The following CDC42 variants were observed in gnomAD, a reference collection of about 807,000 sequenced individuals.
CDC42 encodes cell division control protein 42 homolog.
CDC42 carries 1 observed loss-of-function variant against 20.8 expected under a neutral mutation model. The observed-to-expected ratio is 0.05, with a 90% CI of 0.02 to 0.23. CDC42 has a LOEUF of 0.23. CDC42 is among the 10% of genes least tolerant of loss of function. The pLI is 1.00. For missense variants in CDC42, 49 were observed against 227.9 expected (o/e 0.21, Z 5.05); for synonymous variants, 72 against 84.8 (o/e 0.85, Z 0.83).
chr1:22,055,496 T>G (rs1028687800), intron 1 of CDC42, among the ~76,000 whole-genome samples: 2 of 151,408 alleles, frequency 1.3e-5, no homozygotes, highest in African/African-American at 4.8e-5. Flanking sequence ...GGTGATTTTT[T>G]TTTTTTTTTT....
rs373016657 is a variant in CDC42 at position 22,085,244 on chromosome 1, A to AAAAAAAAAAAAAG, written c.179-1191_179-1190insAAAAAAAAGAAAA. 2.2e-5 allele frequency among the ~76,000 whole-genome samples: 3 copies of AAAAAAAAAAAAAG among 135,956 alleles called. 1 individual carries two copies. The highest frequency in any genetic ancestry group is 3.1e-5 in the Non-Finnish European group (2 of 64,146). The allele number at this position is 135,956 out of a possible 152,430, so 89.2% of individuals were successfully genotyped here. On this transcript the variant is annotated intron_variant, in intron 3 of 5. Coordinates refer to ENST00000656825, the MANE Select transcript of CDC42 (RefSeq NM_001791.4). The stretch of plus-strand genomic sequence containing the variant: ...GAGACTCTGTCTAAAAAAAAAAAAA[A>AAAAAAAAAAAAAG]AAAAGAAAAATCATTTGCCCACATA...
Position 22,096,351 on chromosome 1 carries a change from A to G in CDC42, c.*4834A>G, listed in dbSNP as rs370665380. On this transcript the variant is annotated 3_prime_UTR_variant, in exon 6 of 6. Coordinates refer to ENST00000656825, the MANE Select transcript of CDC42 (RefSeq NM_001791.4). The stretch of plus-strand genomic sequence containing the variant: ...TGAGGATATACAGAGAGTAAAATAG[A>G]TGTCTCCTGACTTCTACTTGGAATT... Among the ~76,000 whole-genome samples, 7 of 152,258 alleles carry G rather than the reference A, an allele frequency of 4.6e-5. 1 individual carries two copies. The South Asian group carries it at 1.4e-3, about 32-fold the overall frequency.
At chr1:22,090,818 A>G in intron 5 of CDC42, 1 of 985,046 alleles carries the variant, frequency 1.0e-6, no homozygotes, top group Non-Finnish European at 1.2e-6. Context: ...TGCCTGATGA[A>G]GCTTTATTCC....
chr1:22,071,001 A>G (rs1390905800), intron 1 of CDC42, among the ~76,000 whole-genome samples: 1 of 145,392 alleles, frequency 6.9e-6, no homozygotes, highest in East Asian at 2.0e-4. Flanking sequence ...TTCAAGTGCT[A>G]TTTCTTTACG....
chr1:22,082,874 A>ATT (rs1465794787), intron 3 of CDC42, among the ~76,000 whole-genome samples: 1 of 57,870 alleles, frequency 1.7e-5, no homozygotes, highest in African/African-American at 7.7e-5. Context: ...GCACAGAGAA[A>ATT]ATTTTTATTT....
chr1:22,054,201 A>AT (rs917630520), intron 1 of CDC42, among the ~76,000 whole-genome samples: 6 of 151,710 alleles, frequency 4.0e-5, no homozygotes, highest in South Asian at 2.1e-4. Flanking sequence ...CACAATTTTT[A>AT]TTTTTTTTGA....
chr1:22,093,328 G>C lies in CDC42; in HGVS notation c.*1811G>C, dbSNP rs1056488775. Among the ~76,000 whole-genome samples, 2 of 152,140 alleles carry C rather than the reference G, an allele frequency of 1.3e-5. No homozygotes were observed. The highest frequency in any genetic ancestry group is 4.8e-5 in the African/African-American group (2 of 41,426). On this transcript the variant is annotated 3_prime_UTR_variant, in exon 6 of 6. Coordinates refer to ENST00000656825, the MANE Select transcript of CDC42 (RefSeq NM_001791.4). ...TGGTTCTCCAACTGGAGTGCAGCTTGAACAATGTGATTTTTAAGTTTTCCA... is the reference window on the plus strand; with the variant it reads ...TGGTTCTCCAACTGGAGTGCAGCTTCAACAATGTGATTTTTAAGTTTTCCA...
At chr1:22,089,994 C>G in intron 5 of CDC42, 1 of 1,614,052 alleles carries the variant, frequency 6.2e-7, no homozygotes, top group Non-Finnish European at 8.5e-7. Flanking sequence ...CCTCGAGCCT[C>G]CGGAAACTCA....
chr1:22,073,531 T>A lies in CDC42; in HGVS notation c.-50-4898T>A, dbSNP rs552309309. On this transcript the variant is annotated intron_variant, in intron 1 of 5. Coordinates refer to ENST00000656825, the MANE Select transcript of CDC42 (RefSeq NM_001791.4). ...TCCAGCCTGGGTGACAGAGCAAAACTCTGTCTCAAAAAAAAAAAAAGAAAA... is the reference window on the plus strand; with the variant it reads ...TCCAGCCTGGGTGACAGAGCAAAACACTGTCTCAAAAAAAAAAAAAGAAAA... Among the ~76,000 whole-genome samples the A allele has an allele frequency of 2.0e-5, 3 of 148,124 alleles. No homozygotes were observed. The South Asian group carries it at 6.4e-4, about 32-fold the overall frequency.
chr1:22,065,227 G>A (rs1173952047), intron 1 of CDC42, among the ~76,000 whole-genome samples: 1 of 152,152 alleles, frequency 6.6e-6, no homozygotes, highest in Non-Finnish European at 1.5e-5. Flanking sequence ...TCTTCCTTGG[G>A]CATGTTAGAG....
rs1645770449 is a variant in CDC42 at position 22,098,350 on chromosome 1, A to T, written c.*6833A>T. ...TTAGATGGGAAGGCTGAAAAAAAAA[A>T]TACTCCTGAGATTCTGAATCTGTAA... On this transcript the variant is annotated 3_prime_UTR_variant, in exon 6 of 6. Transcript: ENST00000656825. Among the ~76,000 whole-genome samples the T allele has an allele frequency of 6.6e-6, 1 of 151,288 alleles. No individual in the cohort carries two copies.
At chr1:22,084,136 G>C (rs527830595) in intron 3 of CDC42, among the ~76,000 whole-genome samples, 2 of 152,172 alleles carry the variant, frequency 1.3e-5, no homozygotes, top group South Asian at 4.2e-4. Flanking sequence ...TATCAACATG[G>C]GTATACAGAT....
chr1:22,077,077 G>A (rs1645560380), intron 1 of CDC42, among the ~76,000 whole-genome samples: 1 of 152,110 alleles, frequency 6.6e-6, no homozygotes, highest in African/African-American at 2.4e-5. Flanking sequence ...GATTGCTTGA[G>A]TCTGGGAGGT....
rs112560241 is a variant in CDC42, at chr1:22,095,632, T to A, written c.*4115T>A. Among the ~76,000 whole-genome samples the A allele has an allele frequency of 4.5e-4, 69 of 152,182 alleles. No individual in the cohort carries two copies. Among genetic ancestry groups the A allele is most frequent in the Non-Finnish European group, 9.0e-4 (61 of 68,032 alleles). On this transcript the variant is annotated 3_prime_UTR_variant, in exon 6 of 6. Transcript: ENST00000656825. ...CAAAGTGCCTCCACCTTAAAAAAAA[T>A]TCCTTATTTTATTCACTTGCCAGAA... is the stretch of plus-strand genomic sequence containing the variant.
intron 1 of CDC42, among the ~76,000 whole-genome samples, chr1:22,054,193 C>A (rs192601803): frequency 6.6e-6 from 1 of 152,158 alleles, no homozygotes; most frequent in East Asian, 1.9e-4. Context: ...TTTGAGATCA[C>A]AATTTTTATT....
At chr1:22,070,790 A>G (rs971735856) in intron 1 of CDC42, among the ~76,000 whole-genome samples, 3 of 150,882 alleles carry the variant, frequency 2.0e-5, no homozygotes, top group Non-Finnish European at 4.4e-5. Context: ...AAAAGTTGTA[A>G]GTTGCTAGCC....
rs1340777962 is a variant in CDC42, at chr1:22,095,438, G to T, written c.*3921G>T. On this transcript the variant is annotated 3_prime_UTR_variant, in exon 6 of 6. Coordinates refer to ENST00000656825, the MANE Select transcript of CDC42 (RefSeq NM_001791.4). ...GCATGTGCCACCATGCCTGGCTAAT[G>T]TTTTGTATTTTTAGTAGAGATAGGG... is the stretch of plus-strand genomic sequence containing the variant. Among the ~76,000 whole-genome samples the T allele has an allele frequency of 2.6e-5, 4 of 151,894 alleles. No homozygotes were observed. Among genetic ancestry groups the T allele is most frequent in the Admixed American group, 2.6e-4 (4 of 15,246 alleles).
chr1:22,057,367 C>T (rs1299388479), intron 1 of CDC42, among the ~76,000 whole-genome samples: 1 of 152,310 alleles, frequency 6.6e-6, no homozygotes, highest in East Asian at 1.9e-4. Flanking sequence ...CCGGACTAAT[C>T]TGATGAATCC....
In CDC42 at chr1:22,092,179, G is replaced by A. The variant is rs1424013448; in HGVS notation, c.*662G>A. ...AGTTGCCTTTTCTCTCCACCCTTGA[G>A]TAGATCCAGTATTTGATGAAACTCA... is the stretch of plus-strand genomic sequence containing the variant. On this transcript the variant is annotated 3_prime_UTR_variant, in exon 6 of 6. Transcript: ENST00000656825. 6.6e-6 allele frequency: 1 copy of A among 152,484 alleles called. No homozygotes were observed. The highest frequency in any genetic ancestry group is 1.9e-4 in the East Asian group (1 of 5,186). 9.4% of individuals were successfully genotyped at this position (152,484 alleles called of 1,614,324 possible). A position where few individuals can be genotyped will look rare whatever the true frequency, so the allele number is the denominator to read the frequency against.
Sources: gnomAD v4.1 joint callset for allele counts (sites outside exome capture counted in the v4.1 genomes callset) on GRCh38, gnomAD v4.1.1 for gene constraint, MANE v1.5 for transcripts, NCBI Gene and HGNC (gene_info 2026-07-23, HGNC 2026-07-21) for gene names.